Variants in SGSM1 observed in about 807,000 individuals in gnomAD.
The protein encoded by SGSM1 is RUN and TBC1 domain containing 2.
Under a neutral mutation model 133.8 loss-of-function variants are expected in SGSM1, and 73 were observed. The ratio of observed to expected loss-of-function variants is 0.55; its 90% CI spans 0.45 to 0.66. SGSM1 has a LOEUF of 0.66. Among genes scored for constraint, SGSM1 ranks in the 30% least tolerant of loss-of-function variants. The probability of loss-of-function intolerance (pLI) is 0.00; values close to 1 mark genes in which losing one functional copy is unlikely to be tolerated. For synonymous variants in SGSM1, 563 were observed against 573.0 expected, an observed-to-expected ratio of 0.98 and a Z score of 0.25; for missense variants, 1,213 against 1,448.1, an observed-to-expected ratio of 0.84 and a Z score of 2.64.
chr22:24,860,922 A>AAT (rs1555926665), intron 9 of SGSM1, among the ~76,000 whole-genome samples: 1,302 of 37,540 alleles, frequency 0.035, 56 homozygotes, highest in Middle Eastern at 0.077. Flanking sequence ...AAAAAAAAAA[A>AAT]ATATATATAT....
At position 24,806,291 on chromosome 22, in the gene SGSM1, C is replaced by T. The variant is rs1187431962; in HGVS notation, c.-35C>T. On this transcript the variant is annotated 5_prime_UTR_variant, in exon 1 of 25. Transcript: ENST00000400358. Reference sequence around the variant, plus strand: ...GAGCTACCGCCGCCACCGCCGCCACCGCCTCCTGGGACTCGGAACGCAGCG... The same window carrying T: ...GAGCTACCGCCGCCACCGCCGCCACTGCCTCCTGGGACTCGGAACGCAGCG... 58 of 1,419,140 alleles carry T rather than the reference C, an allele frequency of 4.1e-5. No homozygotes were observed. Among genetic ancestry groups the T allele is most frequent in the Non-Finnish European group, 5.0e-5 (55 of 1,090,520 alleles). The allele number at this position is 1,419,140 out of a possible 1,614,324, so 87.9% of individuals were successfully genotyped here.
chr22:24,812,184 A>AAG (rs1555918331), intron 2 of SGSM1, among the ~76,000 whole-genome samples: 1,996 of 150,414 alleles, frequency 0.013, 47 homozygotes, highest in African/African-American at 0.04. Flanking sequence ...AAAGAAAAAA[A>AAG]AAAAGAAAAG....
intron 5 of SGSM1, among the ~76,000 whole-genome samples, chr22:24,850,739 G>A (rs1291341339): frequency 6.6e-6 from 1 of 152,174 alleles, no homozygotes; most frequent in African/African-American, 2.4e-5. Context: ...TTGGTAAATG[G>A]CATGGGGATT....
intron 16 of SGSM1, among the ~76,000 whole-genome samples, chr22:24,889,492 C>T (rs1445117932): frequency 2.0e-5 from 3 of 151,276 alleles, no homozygotes; most frequent in African/African-American, 7.3e-5. Context: ...TTACTGCAAC[C>T]TCCGTCTCCC....
In SGSM1 at chr22:24,855,067, A is replaced by G; in HGVS notation, c.523+4A>G. 1 of 1,612,554 alleles carries G rather than the reference A, an allele frequency of 6.2e-7. No homozygotes were observed. Reference sequence around the variant, plus strand: ...CCCATCCTTGCATCTTTGTTGGGTAAGTTGTCCTGTGTGCTGAGCTTCATC... The same window carrying G: ...CCCATCCTTGCATCTTTGTTGGGTAGGTTGTCCTGTGTGCTGAGCTTCATC... On this transcript the variant is annotated splice_donor_region_variant and intron_variant, in intron 6 of 24. Coordinates refer to ENST00000400358, the MANE Select transcript of SGSM1 (RefSeq NM_001098497.3).
At chr22:24,905,633 A>G (rs1229203517) in intron 21 of SGSM1, among the ~76,000 whole-genome samples, 1 of 151,856 alleles carries the variant, frequency 6.6e-6, no homozygotes, top group Non-Finnish European at 1.5e-5. Context: ...TAAAAATTAA[A>G]AAAAAATTAG....
At chr22:24,872,484 C>G (rs559844879) in intron 12 of SGSM1, among the ~76,000 whole-genome samples, 1 of 150,438 alleles carries the variant, frequency 6.6e-6, no homozygotes, top group Non-Finnish European at 1.5e-5. Context: ...GATTTTGAGA[C>G]TTTGTTAAAA....
chr22:24,875,641 G>GA (rs61221092), intron 12 of SGSM1, among the ~76,000 whole-genome samples: 5,645 of 119,338 alleles, frequency 0.047, 135 homozygotes, highest in Middle Eastern at 0.062. Context: ...CTCCATCTCA[G>GA]AAAAAAAAAA....
At chr22:24,909,756 G>A in intron 21 of SGSM1, among the ~76,000 whole-genome samples, 1 of 151,958 alleles carries the variant, frequency 6.6e-6, no homozygotes, top group East Asian at 1.9e-4. Context: ...ATGCCTGGCT[G>A]GTTTGGCCAC....
chr22:24,857,128 G>C (rs866590695), intron 8 of SGSM1, among the ~76,000 whole-genome samples: 1 of 151,758 alleles, frequency 6.6e-6, no homozygotes, highest in Non-Finnish European at 1.5e-5. Flanking sequence ...AGAGGACCAA[G>C]TGTGGTGGCT....
rs1434999046 is a variant in SGSM1, at chr22:24,927,348, C to T, written c.*3074C>T. On this transcript the variant is annotated 3_prime_UTR_variant, in exon 25 of 25. Transcript: ENST00000400358. ...GCAGAAACACACACTGTCTCTTGGT[C>T]TCAGCTTCTCTGGCATAAAGTCATT... 1 of 152,210 alleles carries T rather than the reference C, an allele frequency of 6.6e-6. No homozygotes were observed. The highest frequency in any genetic ancestry group is 1.5e-5 in the Non-Finnish European group (1 of 68,054). 9.4% of individuals were successfully genotyped at this position (152,210 alleles called of 1,614,324 possible). A position where few individuals can be genotyped will look rare whatever the true frequency, so the allele number is the denominator to read the frequency against.
chr22:24,885,949 C>T (rs947939134), intron 15 of SGSM1, among the ~76,000 whole-genome samples: 37 of 152,214 alleles, frequency 2.4e-4, no homozygotes, highest in Admixed American at 1.0e-3. Context: ...TGCTGGACCA[C>T]GGAAGTAGAT....
intron 21 of SGSM1, among the ~76,000 whole-genome samples, chr22:24,912,051 T>C (rs1291043981): frequency 1.8e-5 from 2 of 110,596 alleles, no homozygotes. Context: ...CGAGATTCTG[T>C]CTTAAAAAAA....
At chr22:24,811,435 G>T (rs552093456) in intron 2 of SGSM1, among the ~76,000 whole-genome samples, 2 of 149,968 alleles carry the variant, frequency 1.3e-5, no homozygotes, top group South Asian at 4.2e-4. Context: ...AAGCCGGGGT[G>T]GGGGTGGGCA....
intron 6 of SGSM1, 49 bp from the exon 7 acceptor site, chr22:24,855,236 G>A (rs781739700): frequency 5.1e-6 from 8 of 1,580,294 alleles, no homozygotes; most frequent in Non-Finnish European, 6.9e-6. Flanking sequence ...GTAGACATGC[G>A]GGAGGACTTT....
intron 12 of SGSM1, among the ~76,000 whole-genome samples, 194 bp downstream of exon 12, chr22:24,869,049 TA>T (rs1201857583): frequency 1.3e-5 from 2 of 152,096 alleles, no homozygotes; most frequent in Non-Finnish European, 1.5e-5. Flanking sequence ...ACTTGTCTAA[TA>T]AAGTTGCCAC....
chr22:24,921,436 A>T (rs1934004609), intron 24 of SGSM1, among the ~76,000 whole-genome samples: 1 of 152,080 alleles, frequency 6.6e-6, no homozygotes, highest in African/African-American at 2.4e-5. Context: ...ATCTCAAGTG[A>T]CTATTCTATA....
At chr22:24,825,895 A>C (rs79697840) in intron 2 of SGSM1, among the ~76,000 whole-genome samples, 1,573 of 152,176 alleles carry the variant, frequency 0.01, 19 homozygotes, top group Middle Eastern at 0.034. Flanking sequence ...ACTCCATCTC[A>C]ACCACCAGAG....
At chr22:24,841,622 A>C (rs1367530063) in intron 2 of SGSM1, among the ~76,000 whole-genome samples, 1 of 152,238 alleles carries the variant, frequency 6.6e-6, no homozygotes, top group Non-Finnish European at 1.5e-5. Flanking sequence ...AAGAGTCTAC[A>C]GCATTGATTC....
Sources: allele counts gnomAD v4.1 joint callset (sites outside exome capture counted in the v4.1 genomes callset), GRCh38; gene constraint gnomAD v4.1.1; transcripts MANE v1.5; gene names NCBI Gene and HGNC (gene_info 2026-07-23, HGNC 2026-07-21).